PCP4: variants seen among roughly 807,000 people sequenced by gnomAD.
PCP4 encodes the protein Purkinje cell protein 4.
PCP4 carries 8 observed loss-of-function variants against 10.0 expected under a neutral mutation model. That is an observed-to-expected ratio of 0.80 (90% CI 0.47 to 1.45). The LOEUF (loss-of-function observed/expected upper bound fraction) is 1.45, where lower values mean the gene tolerates loss of function less well. Among genes scored for constraint, PCP4 ranks in the 40% most tolerant of loss-of-function variants. The pLI is 0.00. For missense variants in PCP4, 54 were observed against 74.4 expected, an observed-to-expected ratio of 0.73 and a Z score of 1.01; for synonymous variants, 21 against 23.0, an observed-to-expected ratio of 0.91 and a Z score of 0.24.
At chr21:39,867,913 G>A (rs530732622) in intron 1 of PCP4, among the ~76,000 whole-genome samples, 1 of 152,302 alleles carries the variant, frequency 6.6e-6, no homozygotes, top group Admixed American at 6.5e-5. Context: ...TGGAAGGGAA[G>A]GGGACAAGGT....
intron 1 of PCP4, among the ~76,000 whole-genome samples, chr21:39,884,230 A>C (rs2087389394): frequency 6.7e-6 from 1 of 149,724 alleles, no homozygotes; most frequent in Admixed American, 6.7e-5. Context: ...CCCAGGCTGG[A>C]GTGCAATGGT....
intron 1 of PCP4, among the ~76,000 whole-genome samples, chr21:39,880,282 C>T (rs1247706356): frequency 6.6e-6 from 1 of 152,154 alleles, no homozygotes; most frequent in African/African-American, 2.4e-5. Context: ...CCCACAAATC[C>T]AAGGGAGCTT....
chr21:39,891,762 T>C (rs2087433034), intron 1 of PCP4, among the ~76,000 whole-genome samples: 2 of 152,200 alleles, frequency 1.3e-5, no homozygotes, highest in South Asian at 4.1e-4. Flanking sequence ...GCCCTTCCCT[T>C]TTAGGTAGCC....
Position 39,905,265 on chromosome 21 carries a change from T to G in PCP4, c.61+6738T>G, listed in dbSNP as rs915966737. On this transcript the variant is annotated intron_variant, in intron 2 of 2. Transcript: ENST00000328619. ...TTTGAAGAAATCAGAAAAAAAAAAATCAAAACAAAAGTGACTGATGCTCAA... is the reference window on the plus strand; with the variant it reads ...TTTGAAGAAATCAGAAAAAAAAAAAGCAAAACAAAAGTGACTGATGCTCAA... Among the ~76,000 whole-genome samples the G allele has an allele frequency of 1.7e-4, 26 of 149,360 alleles. 2 individuals are homozygous for G. Among genetic ancestry groups the G allele is most frequent in the Admixed American group, 1.0e-3 (15 of 14,918 alleles).
intron 2 of PCP4, among the ~76,000 whole-genome samples, chr21:39,918,642 T>G (rs1029598241): frequency 6.6e-6 from 1 of 152,236 alleles, no homozygotes; most frequent in Non-Finnish European, 1.5e-5. Flanking sequence ...ATGCAGAAAG[T>G]CCCCTTGCCT....
intron 2 of PCP4, among the ~76,000 whole-genome samples, chr21:39,924,128 T>A (rs1439814302): frequency 1.3e-5 from 2 of 152,078 alleles, no homozygotes; most frequent in Non-Finnish European, 2.9e-5. Flanking sequence ...TCCATGAATC[T>A]CACCACTGAG....
At chr21:39,867,757 CT>C (rs1358266296) in intron 1 of PCP4, among the ~76,000 whole-genome samples, 6 of 152,292 alleles carry the variant, frequency 3.9e-5, no homozygotes, top group Non-Finnish European at 7.4e-5. Flanking sequence ...TGAATGGTGA[CT>C]TTGAAAAGTG....
At chr21:39,886,423 C>A (rs2087400835) in intron 1 of PCP4, among the ~76,000 whole-genome samples, 1 of 152,054 alleles carries the variant, frequency 6.6e-6, no homozygotes, top group Admixed American at 6.5e-5. Context: ...AATACTAAAT[C>A]TACTAAAATA....
At position 39,906,718 on chromosome 21, in the gene PCP4, G is replaced by C. The variant is rs965985450; in HGVS notation, c.61+8191G>C. Among the ~76,000 whole-genome samples, 2 of 152,122 alleles carry C rather than the reference G, an allele frequency of 1.3e-5. No individual in the cohort carries two copies. Among genetic ancestry groups the C allele is most frequent in the Non-Finnish European group, 2.9e-5 (2 of 68,040 alleles). On this transcript the variant is annotated intron_variant, in intron 2 of 2. Transcript: ENST00000328619. The surrounding 1 kb of genome is among the most constrained non-coding windows in gnomAD (Gnocchi z 6.3). ...TTTCATTCCACATCATACAGAGAAA[G>C]CTTATACACCTTGGTGAAAAAGTAA... is the stretch of plus-strand genomic sequence containing the variant.
chr21:39,867,587 T>C (rs938652828), intron 1 of PCP4, 77 bp downstream of exon 1: 106 of 1,364,126 alleles, frequency 7.8e-5, no homozygotes, highest in Non-Finnish European at 1.1e-4. Context: ...TCTCAGGAAA[T>C]GTGAGGGACT....
At chr21:39,873,684 A>G (rs2087331326) in intron 1 of PCP4, among the ~76,000 whole-genome samples, 1 of 152,212 alleles carries the variant, frequency 6.6e-6, no homozygotes, top group Admixed American at 6.5e-5. Context: ...AACGTTTTCC[A>G]GTCACCTGGC....
intron 1 of PCP4, among the ~76,000 whole-genome samples, chr21:39,870,032 G>C (rs1315163998): frequency 6.6e-6 from 1 of 152,206 alleles, no homozygotes; most frequent in African/African-American, 2.4e-5. Context: ...ACCCAGGCCA[G>C]TGGGCAAGCC....
intron 2 of PCP4, among the ~76,000 whole-genome samples, chr21:39,910,131 G>C (rs1052644598): frequency 6.6e-6 from 1 of 152,118 alleles, no homozygotes; most frequent in African/African-American, 2.4e-5. Context: ...AAAACAATTG[G>C]AAATCGAATC....
intron 2 of PCP4, among the ~76,000 whole-genome samples, chr21:39,899,341 T>C (rs756165029): frequency 1.5e-4 from 23 of 152,300 alleles, no homozygotes; most frequent in Non-Finnish European, 2.2e-4. Flanking sequence ...CAAGATGAAC[T>C]CTCCTTTTAT....
intron 1 of PCP4, among the ~76,000 whole-genome samples, chr21:39,868,583 ATGGTACC>A (rs1568847584): frequency 6.6e-6 from 1 of 152,176 alleles, no homozygotes; most frequent in East Asian, 1.9e-4. Flanking sequence ...ACCACAATCA[ATGGTACC>A]TGTAACAGCA....
chr21:39,896,665 A>ATGGT (rs1335257636), intron 1 of PCP4, among the ~76,000 whole-genome samples: 2 of 152,200 alleles, frequency 1.3e-5, no homozygotes, highest in African/African-American at 4.8e-5. Flanking sequence ...ATACACGAGG[A>ATGGT]TGGTTCACTT....
At chr21:39,880,665 T>C (rs114487577) in intron 1 of PCP4, among the ~76,000 whole-genome samples, 205 of 152,338 alleles carry the variant, frequency 1.3e-3, no homozygotes, top group African/African-American at 4.7e-3. Flanking sequence ...TGGTCCTCAC[T>C]TCTTCTTCCT....
chr21:39,880,122 C>T (rs935256001), intron 1 of PCP4, among the ~76,000 whole-genome samples: 5 of 149,128 alleles, frequency 3.4e-5, no homozygotes, highest in Non-Finnish European at 5.9e-5. Flanking sequence ...ATATCTATAT[C>T]TATATCTGTA....
In PCP4 at chr21:39,929,094, G is replaced by T. The variant is rs1402114211; in HGVS notation, c.172G>T (p.Ala58Ser). Residue 58 changes from alanine (A) to serine (S), a missense_variant, in exon 3 of 3, where the codon GCT becomes TCT. Transcript: ENST00000328619. Reference protein sequence around the residue: ...SQFRKFQKKKAGSQS With the variant: ...SQFRKFQKKKSGSQS ...GTTCAGAAAATTCCAGAAGAAGAAG[G>T]CTGGGTCTCAGTCCTAGTGGGAGAA... The T allele has an allele frequency of 1.2e-6, 2 of 1,613,470 alleles. No homozygotes were observed. Among genetic ancestry groups the T allele is most frequent in the East Asian group, 4.5e-5 (2 of 44,856 alleles).
Sources: allele counts gnomAD v4.1 joint callset (sites outside exome capture counted in the v4.1 genomes callset), GRCh38; gene constraint gnomAD v4.1.1; non-coding constraint Gnocchi (gnomAD v3.1); transcripts MANE v1.5; gene names NCBI Gene and HGNC (gene_info 2026-07-23, HGNC 2026-07-21).